PRELID2: variants seen among roughly 807,000 people sequenced by gnomAD.
PRELID2 encodes PRELI domain containing 2.
In PRELID2, 25 loss-of-function variants were observed where a neutral mutation model predicts 28.4. That is an observed-to-expected ratio of 0.88 (90% CI 0.64 to 1.23). The LOEUF (loss-of-function observed/expected upper bound fraction) is 1.23, where lower values mean the gene tolerates loss of function less well. PRELID2 is among the 50% of genes most tolerant of loss of function. PRELID2 has a pLI of 0.00. For missense variants in PRELID2, 201 were observed against 214.4 expected, an observed-to-expected ratio of 0.94 and a Z score of 0.39; for synonymous variants, 76 against 71.6, an observed-to-expected ratio of 1.06 and a Z score of -0.31.
intron 1 of PRELID2, among the ~76,000 whole-genome samples, chr5:145,551,929 C>T (rs1752839300): frequency 6.6e-6 from 1 of 152,148 alleles, no homozygotes; most frequent in South Asian, 2.1e-4. Flanking sequence ...CAGGGCAATA[C>T]ATACCCCAAC....
At chr5:145,385,193 T>A in the PRELID2 span, among the ~76,000 whole-genome samples, 1 of 152,222 alleles carries the variant, frequency 6.6e-6, no homozygotes, top group Non-Finnish European at 1.5e-5. Context: ...TATTTAAAAT[T>A]TTTTAAATGT....
At chr5:145,495,387 CAG>C (rs1321704337) in intron 1 of PRELID2, among the ~76,000 whole-genome samples, 9 of 152,202 alleles carry the variant, frequency 5.9e-5, no homozygotes, top group African/African-American at 2.2e-4. Flanking sequence ...CAAAAGGCAA[CAG>C]AATTTTGCAT....
At chr5:145,339,909 C>A in the PRELID2 span, among the ~76,000 whole-genome samples, 19 of 152,152 alleles carry the variant, frequency 1.2e-4, no homozygotes, top group African/African-American at 3.9e-4. Flanking sequence ...GCTAGATACT[C>A]CCACACATGC....
chr5:145,297,529 A>G, the PRELID2 span, among the ~76,000 whole-genome samples: 1 of 152,130 alleles, frequency 6.6e-6, no homozygotes, highest in Non-Finnish European at 1.5e-5. Context: ...TGGGCAAAAA[A>G]CTGGAAGCAT....
intron 1 of PRELID2, among the ~76,000 whole-genome samples, chr5:145,637,813 T>C (rs927613739): frequency 1.3e-5 from 2 of 149,028 alleles, no homozygotes; most frequent in East Asian, 3.9e-4. Context: ...AACCATTCTT[T>C]TTTTTTTTTT....
downstream of PRELID2, among the ~76,000 whole-genome samples, chr5:145,753,901 T>C (rs1349726689): frequency 6.6e-6 from 1 of 152,162 alleles, no homozygotes; most frequent in African/African-American, 2.4e-5. Context: ...ACAGTGACTT[T>C]GCCATTCTTA....
At chr5:145,650,787 A>G (rs1481419509) in intron 1 of PRELID2, among the ~76,000 whole-genome samples, 1 of 152,034 alleles carries the variant, frequency 6.6e-6, no homozygotes, top group Admixed American at 6.6e-5. Flanking sequence ...TGGTTCCAAG[A>G]TGGCTGAATA....
chr5:145,482,290 T>C (rs1365731232), intron 1 of PRELID2, among the ~76,000 whole-genome samples: 1 of 152,144 alleles, frequency 6.6e-6, no homozygotes, highest in Non-Finnish European at 1.5e-5. Flanking sequence ...GAATGAAAAA[T>C]GTCTGCTTGT....
At chr5:145,511,134 G>A (rs536655568) in intron 1 of PRELID2, among the ~76,000 whole-genome samples, 1 of 152,196 alleles carries the variant, frequency 6.6e-6, no homozygotes, top group South Asian at 2.1e-4. Context: ...CTGAAATCCA[G>A]TTCAGTGAAA....
chr5:145,778,556 C>G (rs1467108214), intron 5 of PRELID2, among the ~76,000 whole-genome samples: 1 of 152,236 alleles, frequency 6.6e-6, no homozygotes, highest in Non-Finnish European at 1.5e-5. Context: ...AGTTACAACA[C>G]AAACAGTACC....
At chr5:145,395,087 C>A in the PRELID2 span, among the ~76,000 whole-genome samples, 3 of 152,092 alleles carry the variant, frequency 2.0e-5, no homozygotes, top group Non-Finnish European at 2.9e-5. Context: ...TTATTGTACA[C>A]TTACTATATG....
At chr5:145,661,666 TA>T (rs567073073) in intron 1 of PRELID2, among the ~76,000 whole-genome samples, 10,661 of 97,072 alleles carry the variant, frequency 0.11, 549 homozygotes, top group Admixed American at 0.26. Flanking sequence ...AACAAGCCAT[TA>T]AAAAAAAAAA....
chr5:145,279,220 G>C, the PRELID2 span, among the ~76,000 whole-genome samples: 147 of 152,268 alleles, frequency 9.7e-4, no homozygotes, highest in African/African-American at 3.5e-3. Context: ...AATAACATTT[G>C]CATCAACCTA....
intron 1 of PRELID2, among the ~76,000 whole-genome samples, chr5:145,680,031 AGGG>A (rs2149688306): frequency 6.6e-6 from 1 of 152,154 alleles, no homozygotes; most frequent in East Asian, 1.9e-4. Flanking sequence ...GTTTAGCAAA[AGGG>A]GACATGGATT....
the PRELID2 span, among the ~76,000 whole-genome samples, chr5:145,334,862 A>G: frequency 2.0e-5 from 3 of 151,560 alleles, no homozygotes; most frequent in African/African-American, 7.3e-5. Context: ...ATAGTCTTAT[A>G]AAAATGTCCT....
intron 4 of PRELID2, among the ~76,000 whole-genome samples, chr5:145,800,815 C>G (rs571410825): frequency 6.6e-6 from 1 of 152,304 alleles, no homozygotes; most frequent in South Asian, 2.1e-4. Context: ...CTCAATAACT[C>G]ATTGATAAAG....
the PRELID2 span, among the ~76,000 whole-genome samples, chr5:145,413,207 G>A: frequency 6.6e-6 from 1 of 151,964 alleles, no homozygotes; most frequent in African/African-American, 2.4e-5. Flanking sequence ...CTCAAAACAA[G>A]ATGTACAAAT....
At chr5:145,827,108 G>C (rs1007993297) in intron 1 of PRELID2, among the ~76,000 whole-genome samples, 1 of 152,154 alleles carries the variant, frequency 6.6e-6, no homozygotes, top group South Asian at 2.1e-4. Flanking sequence ...AAGACCTACA[G>C]TAAGTCTGGT....
At chr5:145,432,714 C>CAAAACAAA in the PRELID2 span, among the ~76,000 whole-genome samples, 1 of 152,028 alleles carries the variant, frequency 6.6e-6, no homozygotes, top group East Asian at 1.9e-4. Flanking sequence ...AAAGGATTTG[C>CAAAACAAA]AAAACAAACA....
Sources: allele counts gnomAD v4.1 joint callset (sites outside exome capture counted in the v4.1 genomes callset), GRCh38; gene constraint gnomAD v4.1.1; transcripts MANE v1.5; gene names NCBI Gene and HGNC (gene_info 2026-07-23, HGNC 2026-07-21).